ETS1: variants seen among roughly 807,000 people sequenced by gnomAD.
The protein encoded by ETS1 is ETS proto-oncogene 1, transcription factor, also known as protein C-ets-1.
ETS1 carries 15 observed loss-of-function variants against 58.6 expected under a neutral mutation model. The ratio of observed to expected loss-of-function variants is 0.26; its 90% confidence interval spans 0.17 to 0.39. ETS1 has a LOEUF of 0.39. Ranked by LOEUF, ETS1 falls within the 10% of genes least tolerant of loss-of-function variation. The pLI, the probability that ETS1 is intolerant of heterozygous loss-of-function variation, is 1.00. For synonymous variants in ETS1, 214 were observed against 218.2 expected, an observed-to-expected ratio of 0.98 and a Z score of 0.17; for missense variants, 417 against 610.5, an observed-to-expected ratio of 0.68 and a Z score of 3.34.
Position 128,489,502 on chromosome 11 carries a change from G to A in ETS1, c.335-12C>T. ...CCACTGCCGGGGGTCTGAGGAAAGAGATCAGATGAAGATCCAGCAGGTCGG... is the reference window on the plus strand; with the variant it reads ...CCACTGCCGGGGGTCTGAGGAAAGAAATCAGATGAAGATCCAGCAGGTCGG... On this transcript the variant is annotated splice_polypyrimidine_tract_variant and intron_variant, in intron 4 of 9. Transcript: ENST00000392668. 6.2e-7 allele frequency: 1 copy of A among 1,611,540 alleles called. No homozygotes were observed.
Position 128,556,349 on chromosome 11 carries a change from G to C in ETS1, c.156C>G (p.Pro52=). 1 of 1,613,542 alleles carries C rather than the reference G, an allele frequency of 6.2e-7. No homozygotes were observed. Among genetic ancestry groups the C allele is most frequent in the Non-Finnish European group, 8.5e-7 (1 of 1,179,542 alleles). ...SNYHQQRPCY[P]FWDEMATQEV... is the part of the protein sequence containing the mutation. ...CCTGAGTTGCCATCTCATCCCAAAAGGGGTAGCAAGGTCTTTGCTGGTGAT... is the reference window on the plus strand; with the variant it reads ...CCTGAGTTGCCATCTCATCCCAAAACGGGTAGCAAGGTCTTTGCTGGTGAT... Residue 52 remains proline (P), a synonymous_variant, in exon 3 of 10, where the codon CCC becomes CCG. Coordinates refer to ENST00000392668, the MANE Select transcript of ETS1 (RefSeq NM_001143820.2).
At chr11:128,522,290 G>A in intron 3 of ETS1, 3 of 1,104,472 alleles carry the variant, frequency 2.7e-6, no homozygotes, top group Non-Finnish European at 3.3e-6. Flanking sequence ...GCCGGCGGCT[G>A]CCTCGTTCGC....
intron 2 of ETS1, among the ~76,000 whole-genome samples, chr11:128,556,728 C>T (rs542583691): frequency 6.6e-6 from 1 of 152,096 alleles, no homozygotes; most frequent in African/African-American, 2.4e-5. Context: ...ACAGCAGGGC[C>T]GAATGCTGAC....
At chr11:128,582,263 A>G (rs946675668) in intron 1 of ETS1, among the ~76,000 whole-genome samples, 2 of 152,200 alleles carry the variant, frequency 1.3e-5, no homozygotes. Flanking sequence ...TATGGCCATG[A>G]GCAAATTTCT....
chr11:128,480,252 G>T lies in ETS1; in HGVS notation c.1062C>A (p.Asp354Glu). The change falls in exon 8 of 10, where the codon GAC (aspartate) becomes GAA (glutamate). Residue 354 changes from aspartate (D) to glutamate (E), a missense_variant. Asp to Glu is a conservative substitution (Grantham distance 45). Transcript: ENST00000392668. ...PKGTFKDYVR[D>E]RADLNKDKPV... ...GCTTGTCCTTATTGAGGTCAGCACG[G>T]TCCCGCACATAGTCCTTGAAGGTGC... The T allele has an allele frequency of 6.2e-7, 1 of 1,614,112 alleles. No individual in the cohort carries two copies. The highest frequency in any genetic ancestry group is 8.5e-7 in the Non-Finnish European group (1 of 1,180,024).
chr11:128,488,428 G>T (rs1257613340), intron 5 of ETS1, among the ~76,000 whole-genome samples: 1 of 152,106 alleles, frequency 6.6e-6, no homozygotes, highest in East Asian at 1.9e-4. Flanking sequence ...GGGTAAAAGT[G>T]CTAATCCTGA....
chr11:128,569,694 T>C (rs2135575949), intron 2 of ETS1, among the ~76,000 whole-genome samples: 1 of 152,288 alleles, frequency 6.6e-6, no homozygotes, highest in South Asian at 2.1e-4. Context: ...TTTATACCAA[T>C]AAGTGTTATT....
At chr11:128,530,998 G>T (rs1863888698) in intron 3 of ETS1, among the ~76,000 whole-genome samples, 2 of 152,126 alleles carry the variant, frequency 1.3e-5, no homozygotes, top group Admixed American at 6.6e-5. Flanking sequence ...GAGGTGTGGA[G>T]GTAAAAAGGC....
At chr11:128,489,564 G>A in intron 4 of ETS1, 74 bp from the exon 5 acceptor site, 1 of 1,175,610 alleles carries the variant, frequency 8.5e-7, no homozygotes, top group Non-Finnish European at 1.3e-6. Context: ...AGAGGACACT[G>A]AAGGAGCTGA....
At chr11:128,582,479 G>A (rs961360045) in intron 1 of ETS1, among the ~76,000 whole-genome samples, 11 of 152,092 alleles carry the variant, frequency 7.2e-5, no homozygotes, top group Non-Finnish European at 2.9e-5. Flanking sequence ...GCTTACTAAT[G>A]TCACTAATTA....
intron 2 of ETS1, among the ~76,000 whole-genome samples, chr11:128,569,315 C>CTTTTTTTTTTTTTT (rs1864572866): frequency 7.7e-4 from 27 of 35,126 alleles, no homozygotes; most frequent in Non-Finnish European, 1.0e-3. Context: ...GACAGAGTTT[C>CTTTTTTTTTTTTTT]TTCTTTTTTT....
intron 1 of ETS1, among the ~76,000 whole-genome samples, chr11:128,585,014 A>AGG (rs1864957750): frequency 1.4e-4 from 4 of 27,972 alleles, no homozygotes; most frequent in East Asian, 2.3e-3. Context: ...AAAGAAAGGA[A>AGG]AGAAAGAAGA....
chr11:128,489,233 C>T (rs1015998550), intron 5 of ETS1, 57 bp downstream of exon 5: 2 of 1,490,578 alleles, frequency 1.3e-6, no homozygotes, highest in African/African-American at 1.4e-5. Context: ...GAGCCCCCTA[C>T]CTACTCTCAC....
intron 2 of ETS1, among the ~76,000 whole-genome samples, chr11:128,561,558 GAAGA>G (rs2135563420): frequency 6.6e-6 from 1 of 152,336 alleles, no homozygotes; most frequent in African/African-American, 2.4e-5. Context: ...GTCCAGTTCT[GAAGA>G]AAGAGTTGGG....
At chr11:128,542,075 T>C (rs1864065557) in intron 3 of ETS1, among the ~76,000 whole-genome samples, 1 of 152,222 alleles carries the variant, frequency 6.6e-6, no homozygotes, top group South Asian at 2.1e-4. Context: ...AAACTGTCTC[T>C]TTTTTACACA....
intron 3 of ETS1, among the ~76,000 whole-genome samples, chr11:128,532,657 C>CTT (rs373803675): frequency 1.4e-5 from 2 of 147,610 alleles, no homozygotes; most frequent in Non-Finnish European, 1.5e-5. Flanking sequence ...TCTTGCTCTC[C>CTT]TTTTTTTTTT....
At chr11:128,528,492 G>C (rs1863841571) in intron 3 of ETS1, among the ~76,000 whole-genome samples, 1 of 152,096 alleles carries the variant, frequency 6.6e-6, no homozygotes, top group Non-Finnish European at 1.5e-5. Context: ...TTTCTGCTCA[G>C]CTCAAGAGCA....
At chr11:128,490,372 T>A in intron 4 of ETS1, 85 bp downstream of exon 4, 1 of 1,432,476 alleles carries the variant, frequency 7.0e-7, no homozygotes, top group Non-Finnish European at 9.7e-7. Flanking sequence ...TAGTGTAACG[T>A]CTGCCTCACA....
intron 3 of ETS1, among the ~76,000 whole-genome samples, chr11:128,504,265 T>A (rs925414747): frequency 2.0e-5 from 3 of 152,242 alleles, no homozygotes; most frequent in East Asian, 3.8e-4. Context: ...TGGCCTTTTT[T>A]ATGGCCTGGA....
Sources: gnomAD v4.1 joint callset for allele counts (sites outside exome capture counted in the v4.1 genomes callset) on GRCh38, gnomAD v4.1.1 for gene constraint, MANE v1.5 for transcripts, NCBI Gene and HGNC (gene_info 2026-07-23, HGNC 2026-07-21) for gene names.